Variants in PPEF1 observed in about 807,000 individuals in gnomAD.
PPEF1 encodes serine/threonine-protein phosphatase with EF-hands 1.
Under a neutral mutation model 53.3 loss-of-function variants are expected in PPEF1, and 12 were observed. The observed-to-expected ratio is 0.23, with a 90% confidence interval of 0.14 to 0.36. The LOEUF (loss-of-function observed/expected upper bound fraction) is 0.36. Ranked by LOEUF, PPEF1 falls within the 10% of genes least tolerant of loss-of-function variation. The pLI is 1.00. For missense variants in PPEF1, 334 were observed against 490.4 expected (o/e 0.68, Z 3.01); for synonymous variants, 165 against 176.7 (o/e 0.93, Z 0.52).
At chrX:18,691,476 T>C (rs914467858) in intron 4 of PPEF1, 17 of 111,902 alleles carry the variant, frequency 1.5e-4, no homozygotes, top group African/African-American at 5.2e-4. Context: ...CATGATGGTC[T>C]TGCAAGGTGA....
At chrX:18,704,891 G>T (rs190239445), upstream of PPEF1, among the ~76,000 whole-genome samples, 1 of 111,359 alleles carries the variant, frequency 9.0e-6, no homozygotes, top group African/African-American at 3.3e-5. Flanking sequence ...AGTTTGAAAA[G>T]CTCCCCAGGT....
intron 1 of PPEF1, among the ~76,000 whole-genome samples, chrX:18,677,481 C>T (rs985210788): frequency 8.9e-6 from 1 of 111,999 alleles, no homozygotes; most frequent in Admixed American, 9.5e-5. Flanking sequence ...AAGAAGAACA[C>T]ATCCAAGCTG....
At position 18,781,978 on chromosome X, in the gene PPEF1, A is replaced by G. The variant is rs1366157068; in HGVS notation, c.726-388A>G. ...TTTTTCCAATCATTTACTGTATAGG[A>G]TGTCTGAGAAATTCTATCTAAATGA... On this transcript the variant is annotated intron_variant, in intron 7 of 15. Transcript: ENST00000470157. Among the ~76,000 whole-genome samples, 3 of 111,209 alleles carry G rather than the reference A, an allele frequency of 2.7e-5. No homozygotes were observed. The East Asian group carries it at 8.4e-4, about 31-fold the overall frequency.
intron 1 of PPEF1, among the ~76,000 whole-genome samples, chrX:18,709,495 G>GTTTT (rs1157516847): frequency 1.5e-5 from 1 of 65,560 alleles, no homozygotes; most frequent in Non-Finnish European, 2.5e-5. Flanking sequence ...TTTCAGCTTT[G>GTTTT]TTTTTTGTTT....
chrX:18,743,446 C>CTTTTT (rs72264344), intron 3 of PPEF1, among the ~76,000 whole-genome samples: 143 of 59,241 alleles, frequency 2.4e-3, no homozygotes, highest in Non-Finnish European at 3.3e-3. Context: ...TTCTCTTTTT[C>CTTTTT]TTTTTTTTTT....
At chrX:18,807,952 G>A (rs190727667) in intron 12 of PPEF1, among the ~76,000 whole-genome samples, 78 of 98,526 alleles carry the variant, frequency 7.9e-4, no homozygotes, top group African/African-American at 2.9e-3. Context: ...GAGCTACCAC[G>A]CCCAGCCTGT....
chrX:18,693,081 A>G (rs1929499044), intron 4 of PPEF1, among the ~76,000 whole-genome samples: 2 of 112,183 alleles, frequency 1.8e-5, no homozygotes, highest in Admixed American at 1.9e-4. Flanking sequence ...GGAAAATTAC[A>G]TCAGGCAACA....
chrX:18,740,093 G>A (rs1043889408), intron 3 of PPEF1, among the ~76,000 whole-genome samples: 4 of 112,378 alleles, frequency 3.6e-5, no homozygotes, highest in African/African-American at 6.4e-5. Context: ...TGGGTGAGGC[G>A]ATGCCCAGCC....
intron 3 of PPEF1, chrX:18,688,688 G>A (rs1010487552): frequency 1.8e-5 from 2 of 112,127 alleles, no homozygotes; most frequent in Non-Finnish European, 3.8e-5. Context: ...ACATTCTTTT[G>A]TTTTGGTCTT....
chrX:18,684,190 T>TA (rs952277298), intron 1 of PPEF1, among the ~76,000 whole-genome samples: 26 of 111,603 alleles, frequency 2.3e-4, no homozygotes, highest in Non-Finnish European at 1.7e-4. Flanking sequence ...GGAGCTTTTT[T>TA]AAAAAAAGTA....
At chrX:18,770,783 C>T (rs1002236133) in intron 6 of PPEF1, among the ~76,000 whole-genome samples, 4 of 112,355 alleles carry the variant, frequency 3.6e-5, no homozygotes, top group South Asian at 3.6e-4. Context: ...AATCTGTCAT[C>T]GCAATAGAAA....
chrX:18,686,450 G>A (rs1449111590), intron 3 of PPEF1, among the ~76,000 whole-genome samples: 2 of 110,954 alleles, frequency 1.8e-5, no homozygotes, highest in Admixed American at 9.6e-5. Context: ...TTAGCTATAC[G>A]CCCACCCCAA....
chrX:18,787,443 T>C lies in PPEF1; in HGVS notation c.913-1678T>C, dbSNP rs2046228650. The stretch of plus-strand genomic sequence containing the variant: ...TAAAACTAAGATTCTGGTTTATTAT[T>C]TGTCAAACTCCCCAGCAAGGCATTT... On this transcript the variant is annotated intron_variant, in intron 9 of 15. Coordinates refer to ENST00000470157, the MANE Select transcript of PPEF1 (RefSeq NM_001377996.1). Among the ~76,000 whole-genome samples the C allele has an allele frequency of 2.7e-5, 3 of 111,255 alleles. No individual in the cohort carries two copies. The Admixed American group carries it at 2.9e-4, about 11-fold the overall frequency.
chrX:18,824,053 C>T lies in PPEF1; in HGVS notation c.1632C>T (p.Phe544=), dbSNP rs756344203. ...QNGNVEYMSS[F]QNIRIEKPVQ... ...GAAACGTTGAATACATGTCCAGCTTCCAGAATATCCGCATTGAAAAACCTG... is the reference window on the plus strand; with the variant it reads ...GAAACGTTGAATACATGTCCAGCTTTCAGAATATCCGCATTGAAAAACCTG... Residue 544 remains phenylalanine, a synonymous_variant, in exon 14 of 16, where the codon TTC becomes TTT. Transcript: ENST00000470157. 1.7e-6 allele frequency: 2 copies of T among 1,202,999 alleles called. No homozygotes were observed.
At chrX:18,676,459 T>A (rs1457266934) in intron 1 of PPEF1, among the ~76,000 whole-genome samples, 2 of 109,367 alleles carry the variant, frequency 1.8e-5, no homozygotes, top group East Asian at 5.8e-4. Context: ...CCTGTCATAT[T>A]CATCATGGGG....
intron 4 of PPEF1, among the ~76,000 whole-genome samples, chrX:18,692,529 G>C (rs1257140412): frequency 1.8e-5 from 2 of 111,817 alleles, no homozygotes; most frequent in African/African-American, 6.5e-5. Flanking sequence ...TCCATGCCCA[G>C]TCTGAGACCT....
At position 18,757,708 on chromosome X, in the gene PPEF1, C is replaced by G; in HGVS notation, c.478C>G (p.Gln160Glu). 8.3e-7 allele frequency: 1 copy of G among 1,210,146 alleles called. No individual in the cohort carries two copies. The highest frequency in any genetic ancestry group is 1.1e-6 in the Non-Finnish European group (1 of 894,058). The change falls in exon 5 of 16, where the codon CAA (glutamine) becomes GAA (glutamate). Residue 160 changes from glutamine (Q) to glutamate (E), a missense_variant. By Grantham distance (29) the Gln-to-Glu change is conservative. Coordinates refer to ENST00000470157, the MANE Select transcript of PPEF1 (RefSeq NM_001377996.1). Reference protein sequence around the residue: ...LKQMPNFTHIQTSPSKEVTIC... With the variant: ...LKQMPNFTHIETSPSKEVTIC... Reference sequence around the variant, plus strand: ...GCAAATGCCGAATTTCACTCACATACAAACTTCTCCCTCCAAAGAGGTAAC... The same window carrying G: ...GCAAATGCCGAATTTCACTCACATAGAAACTTCTCCCTCCAAAGAGGTAAC...
intron 12 of PPEF1, among the ~76,000 whole-genome samples, chrX:18,810,667 A>G (rs1219079124): frequency 8.9e-6 from 1 of 112,039 alleles, no homozygotes; most frequent in East Asian, 2.8e-4. Flanking sequence ...ACTCAGCACA[A>G]TGTTTTTGAG....
At chrX:18,814,026 A>G (rs12009512) in intron 12 of PPEF1, among the ~76,000 whole-genome samples, 6,165 of 109,685 alleles carry the variant, frequency 0.056, 418 homozygotes, top group African/African-American at 0.19. Flanking sequence ...CCCAGTGTCT[A>G]TTTTTCCCAT....
Sources: gnomAD v4.1 joint callset for allele counts (sites outside exome capture counted in the v4.1 genomes callset) on GRCh38, gnomAD v4.1.1 for gene constraint, MANE v1.5 for transcripts, NCBI Gene and HGNC (gene_info 2026-07-23, HGNC 2026-07-21) for gene names.